Variants in PDE4B observed in about 807,000 individuals in gnomAD.
PDE4B encodes the protein 3',5'-cyclic-AMP phosphodiesterase 4B.
In PDE4B, 20 loss-of-function variants were observed where a neutral mutation model predicts 82.2. The ratio of observed to expected loss-of-function variants is 0.24; its 90% CI spans 0.17 to 0.35. The LOEUF (loss-of-function observed/expected upper bound fraction) is 0.35, where lower values mean the gene tolerates loss of function less well. Among genes scored for constraint, PDE4B ranks in the 10% least tolerant of loss-of-function variants. The pLI is 1.00. For missense variants in PDE4B, 655 were observed against 907.2 expected (o/e 0.72, Z 3.57); for synonymous variants, 320 against 318.9 (o/e 1.00, Z -0.04).
At chr1:66,212,825 G>C (rs950487606) in intron 3 of PDE4B, among the ~76,000 whole-genome samples, 1 of 152,178 alleles carries the variant, frequency 6.6e-6, no homozygotes, top group African/African-American at 2.4e-5. Context: ...ACAATAACAA[G>C]GATAAAGTGG....
intron 7 of PDE4B, among the ~76,000 whole-genome samples, chr1:66,291,052 A>C (rs1380405481): frequency 6.6e-6 from 1 of 152,184 alleles, no homozygotes; most frequent in African/African-American, 2.4e-5. Context: ...CCAAGAGCTC[A>C]TAAATGAAGA....
At chr1:66,318,127 A>G (rs915532658) in intron 7 of PDE4B, among the ~76,000 whole-genome samples, 8 of 152,164 alleles carry the variant, frequency 5.3e-5, no homozygotes, top group Non-Finnish European at 1.0e-4. Flanking sequence ...GGAGATTCAG[A>G]TGCACCTCTT....
At chr1:65,988,598 TA>T (rs1651074301) in intron 3 of PDE4B, among the ~76,000 whole-genome samples, 1 of 151,658 alleles carries the variant, frequency 6.6e-6, no homozygotes. Flanking sequence ...TCAATTTTAT[TA>T]ATATTGATAG....
chr1:66,044,263 T>C (rs1423967631), intron 3 of PDE4B, among the ~76,000 whole-genome samples: 1 of 151,742 alleles, frequency 6.6e-6, no homozygotes, highest in Non-Finnish European at 1.5e-5. Context: ...TTCTTTTAGG[T>C]ATATGAATTT....
chr1:65,903,548 C>T (rs185889720), intron 1 of PDE4B, among the ~76,000 whole-genome samples: 4 of 151,614 alleles, frequency 2.6e-5, no homozygotes, highest in Admixed American at 2.6e-4. Flanking sequence ...GAGCCATGGT[C>T]GTGCCTGGGC....
chr1:66,078,898 G>A (rs11208794), intron 3 of PDE4B, among the ~76,000 whole-genome samples: 112,808 of 151,914 alleles, frequency 0.74, 42,957 homozygotes, highest in Non-Finnish European at 0.84. Context: ...GCCACTTAGA[G>A]TTTTGGATGG....
At chr1:66,159,245 CTTT>C (rs34101261) in intron 3 of PDE4B, among the ~76,000 whole-genome samples, 2 of 139,768 alleles carry the variant, frequency 1.4e-5, no homozygotes, top group African/African-American at 2.7e-5. Flanking sequence ...TAAAATAAAA[CTTT>C]TTTTTTTTTT....
Position 66,111,231 on chromosome 1 carries a change from G to A in PDE4B, c.282-136229G>A, listed in dbSNP as rs567820153. Among the ~76,000 whole-genome samples the A allele has an allele frequency of 2.6e-5, 4 of 152,076 alleles. No homozygotes were observed. The South Asian group carries it at 8.3e-4, about 32-fold the overall frequency. On this transcript the variant is annotated intron_variant, in intron 3 of 16. Coordinates refer to ENST00000341517, the MANE Select transcript of PDE4B (RefSeq NM_002600.4). Reference sequence around the variant, plus strand: ...TTTTCTAACAGTTATTTTGTGTGCTGCAAAAGAACTGACATATTTTCTTAT... The same window carrying A: ...TTTTCTAACAGTTATTTTGTGTGCTACAAAAGAACTGACATATTTTCTTAT...
At chr1:66,314,390 C>T (rs985182131) in intron 7 of PDE4B, among the ~76,000 whole-genome samples, 1 of 152,060 alleles carries the variant, frequency 6.6e-6, no homozygotes, top group Non-Finnish European at 1.5e-5. Context: ...AATCTGGCTC[C>T]ACTGTTTTTT....
chr1:66,146,823 A>G (rs769967845), intron 3 of PDE4B, among the ~76,000 whole-genome samples: 2 of 152,226 alleles, frequency 1.3e-5, no homozygotes, highest in Non-Finnish European at 2.9e-5. Flanking sequence ...TACGTACCGT[A>G]GAGGAAAATT....
chr1:66,187,354 C>T (rs1484707254), intron 3 of PDE4B, among the ~76,000 whole-genome samples: 3 of 151,878 alleles, frequency 2.0e-5, no homozygotes, highest in Admixed American at 6.6e-5. Context: ...GCATAAAATG[C>T]ATTAGGGAGG....
At chr1:65,871,664 G>A (rs1646574759) in intron 1 of PDE4B, among the ~76,000 whole-genome samples, 1 of 152,126 alleles carries the variant, frequency 6.6e-6, no homozygotes, top group Non-Finnish European at 1.5e-5. Context: ...TTGATACTTA[G>A]GCACAAGTTG....
At chr1:66,098,065 G>A (rs1417213502) in intron 3 of PDE4B, among the ~76,000 whole-genome samples, 1 of 151,950 alleles carries the variant, frequency 6.6e-6, no homozygotes, top group Non-Finnish European at 1.5e-5. Flanking sequence ...CACACTGCTT[G>A]GTAGAAACAT....
rs561876523 is a variant in PDE4B, at chr1:66,174,705, G to A, written c.282-72755G>A. 1.1e-4 allele frequency among the ~76,000 whole-genome samples: 16 copies of A among 152,072 alleles called. No individual in the cohort carries two copies. In the East Asian group the frequency reaches 1.5e-3, roughly 15 times the overall value. On this transcript the variant is annotated intron_variant, in intron 3 of 16. Transcript: ENST00000341517. ...TGGGAGGTGGAGGTTGCAGTGAGCC[G>A]AGATTGCACTCCAGCCTGTGTGACA... is the stretch of plus-strand genomic sequence containing the variant.
chr1:66,309,973 A>G (rs1040163949), intron 7 of PDE4B, among the ~76,000 whole-genome samples: 1 of 152,048 alleles, frequency 6.6e-6, no homozygotes. Context: ...TTACTTCATT[A>G]TTTAAGGGAA....
chr1:66,353,495 A>G (rs1024607321), intron 8 of PDE4B, among the ~76,000 whole-genome samples: 3 of 152,238 alleles, frequency 2.0e-5, no homozygotes, highest in African/African-American at 7.2e-5. Flanking sequence ...CACAGGAAAA[A>G]GAGCCAATTG....
At chr1:66,005,698 T>C (rs1451236624) in intron 3 of PDE4B, among the ~76,000 whole-genome samples, 1 of 152,160 alleles carries the variant, frequency 6.6e-6, no homozygotes, top group African/African-American at 2.4e-5. Context: ...TCTAAATTAA[T>C]AAAAATAAGA....
intron 1 of PDE4B, among the ~76,000 whole-genome samples, chr1:65,902,590 G>T (rs1438753699): frequency 3.3e-5 from 5 of 152,092 alleles, no homozygotes; most frequent in African/African-American, 7.2e-5. Context: ...ATAACTGATT[G>T]TATCAGTTGT....
At chr1:65,996,863 T>G (rs1044927969) in intron 3 of PDE4B, among the ~76,000 whole-genome samples, 5 of 152,206 alleles carry the variant, frequency 3.3e-5, no homozygotes, top group African/African-American at 1.2e-4. Context: ...AATTACTGAA[T>G]TGGAAAATTA....
Sources: allele counts gnomAD v4.1 joint callset (sites outside exome capture counted in the v4.1 genomes callset), GRCh38; gene constraint gnomAD v4.1.1; transcripts MANE v1.5; gene names NCBI Gene and HGNC (gene_info 2026-07-23, HGNC 2026-07-21).